Variants in CHST11 observed in about 807,000 individuals in gnomAD.
CHST11 encodes the protein carbohydrate sulfotransferase 11, also known as C4S-1.
A neutral mutation model predicts 30.4 loss-of-function variants in CHST11; 9 were observed. The ratio of observed to expected loss-of-function variants is 0.30; its 90% CI spans 0.18 to 0.52. CHST11 has a LOEUF of 0.52. CHST11 is among the 20% of genes least tolerant of loss of function. CHST11 has a pLI of 0.97. For missense variants in CHST11, 348 were observed against 460.6 expected (o/e 0.76, Z 2.24); for synonymous variants, 152 against 187.8 (o/e 0.81, Z 1.56).
chr12:104,687,776 GC>G (rs143627702), intron 2 of CHST11, among the ~76,000 whole-genome samples: 38 of 151,302 alleles, frequency 2.5e-4, no homozygotes, highest in African/African-American at 8.3e-4. Flanking sequence ...AGCGGCCCCC[GC>G]CCCCCCCAAA....
rs113469391 is a variant in CHST11, at chr12:104,484,368, A to AGT, written c.118+26839_118+26840insGT. Among the ~76,000 whole-genome samples the AGT allele has an allele frequency of 7.4e-3, 1,126 of 152,288 alleles. 14 individuals carry two copies. The highest frequency in any genetic ancestry group is 0.025 in the African/African-American group (1,042 of 41,566). On this transcript the variant is annotated intron_variant, in intron 1 of 2. Transcript: ENST00000303694. ...CCATTAAGAACCCCAGTTAACCCAG[A>AGT]ATTTCTTAAACTTACACAACCACAG...
chr12:104,461,498 G>A (rs910925572), intron 1 of CHST11, among the ~76,000 whole-genome samples: 1 of 152,232 alleles, frequency 6.6e-6, no homozygotes, highest in African/African-American at 2.4e-5. Context: ...GCAGTGCAAA[G>A]CTGAGAGGCC....
intron 2 of CHST11, among the ~76,000 whole-genome samples, chr12:104,748,295 C>T (rs2040404011): frequency 6.6e-6 from 1 of 152,138 alleles, no homozygotes; most frequent in Non-Finnish European, 1.5e-5. Context: ...AGCTGTGGTT[C>T]TCAAAGTTTG....
At chr12:104,694,408 T>C (rs2039925829) in intron 2 of CHST11, among the ~76,000 whole-genome samples, 1 of 152,202 alleles carries the variant, frequency 6.6e-6, no homozygotes, top group African/African-American at 2.4e-5. Context: ...TATCCTGCAC[T>C]GGGCGCTGCA....
intron 2 of CHST11, among the ~76,000 whole-genome samples, chr12:104,670,517 C>T (rs2039682901): frequency 6.7e-6 from 1 of 150,064 alleles, no homozygotes; most frequent in Non-Finnish European, 1.5e-5. Flanking sequence ...ACAAACACAT[C>T]CATACACACA....
intron 2 of CHST11, among the ~76,000 whole-genome samples, chr12:104,697,628 G>T (rs890956520): frequency 6.6e-6 from 1 of 152,064 alleles, no homozygotes; most frequent in Non-Finnish European, 1.5e-5. Context: ...TACTGATTCT[G>T]TTCCTCTGGA....
chr12:104,677,015 C>G (rs575410926), intron 2 of CHST11, among the ~76,000 whole-genome samples: 2 of 152,288 alleles, frequency 1.3e-5, no homozygotes, highest in East Asian at 3.9e-4. Flanking sequence ...TTTCTTCGCC[C>G]TTCTCCAACC....
intron 2 of CHST11, among the ~76,000 whole-genome samples, chr12:104,724,257 C>G (rs919332019): frequency 9.2e-5 from 14 of 151,448 alleles, no homozygotes; most frequent in African/African-American, 2.2e-4. Context: ...CTGACGGCAC[C>G]CGGAGTAGTC....
Position 104,678,778 on chromosome 12 carries a change from T to C in CHST11, c.204+76787T>C, listed in dbSNP as rs2039766230. ...ATTTTATATTTTCAGAGAGTGACAA[T>C]GAGCATTAATTGAGCATCTACTGTG... On this transcript the variant is annotated intron_variant, in intron 2 of 2. Coordinates refer to ENST00000303694, the MANE Select transcript of CHST11 (RefSeq NM_018413.6). 2.6e-5 allele frequency among the ~76,000 whole-genome samples: 4 copies of C among 152,190 alleles called. No individual in the cohort carries two copies. In the South Asian group the frequency reaches 6.2e-4, roughly 24 times the overall value.
rs547562470 is a variant in CHST11, at chr12:104,629,330, G to A, written c.204+27339G>A. On this transcript the variant is annotated intron_variant, in intron 2 of 2. Coordinates refer to ENST00000303694, the MANE Select transcript of CHST11 (RefSeq NM_018413.6). ...AGGCTACAGTCTCATGTGAAGCTTA[G>A]GGTCCTTGAAGCTCACATGGTTGTT... 5.3e-5 allele frequency among the ~76,000 whole-genome samples: 8 copies of A among 152,234 alleles called. No individual in the cohort carries two copies. In the East Asian group the frequency reaches 1.5e-3, roughly 29 times the overall value.
At chr12:104,651,973 C>T (rs1307693501) in intron 2 of CHST11, among the ~76,000 whole-genome samples, 1 of 152,206 alleles carries the variant, frequency 6.6e-6, no homozygotes, top group Non-Finnish European at 1.5e-5. Flanking sequence ...GCCACAGCCC[C>T]TGACTTCTGC....
intron 2 of CHST11, among the ~76,000 whole-genome samples, chr12:104,625,594 C>T (rs771221015): frequency 3.3e-5 from 5 of 152,178 alleles, no homozygotes; most frequent in Non-Finnish European, 5.9e-5. Context: ...CATGAGCCAC[C>T]ACGCCCAGCT....
In CHST11 at chr12:104,676,620, G is replaced by A. The variant is rs979754647; in HGVS notation, c.204+74629G>A. ...AGTAGAGATGGGGTTTCCCCATGTT[G>A]GCCAGGATGGTCTCGATCTCCTGAC... On this transcript the variant is annotated intron_variant, in intron 2 of 2. Transcript: ENST00000303694. This position sits in a 1 kb window ranked among gnomAD's most constrained non-coding sequence, Gnocchi z 4.4. Among the ~76,000 whole-genome samples, 2 of 152,144 alleles carry A rather than the reference G, an allele frequency of 1.3e-5. No individual in the cohort carries two copies. Among genetic ancestry groups the A allele is most frequent in the African/African-American group, 4.8e-5 (2 of 41,436 alleles).
chr12:104,731,605 G>A (rs774211422), intron 2 of CHST11, among the ~76,000 whole-genome samples: 4 of 152,182 alleles, frequency 2.6e-5, no homozygotes, highest in Non-Finnish European at 5.9e-5. Flanking sequence ...GTAAACCCCC[G>A]CACCCCTGAG....
intron 1 of CHST11, among the ~76,000 whole-genome samples, chr12:104,582,289 C>A (rs565249905): frequency 6.6e-6 from 1 of 152,142 alleles, no homozygotes; most frequent in South Asian, 2.1e-4. Context: ...AGTGGAGGGG[C>A]CAGGATTTGA....
At chr12:104,716,987 G>A (rs1183870187) in intron 2 of CHST11, among the ~76,000 whole-genome samples, 5 of 152,184 alleles carry the variant, frequency 3.3e-5, no homozygotes, top group African/African-American at 1.2e-4. Context: ...CATCCTCAGA[G>A]CCGGCAATGG....
chr12:104,671,000 C>T (rs2039690818), intron 2 of CHST11, among the ~76,000 whole-genome samples: 1 of 152,198 alleles, frequency 6.6e-6, no homozygotes, highest in South Asian at 2.1e-4. Context: ...GATTTCCTGC[C>T]CTGCCTTCTG....
chr12:104,553,738 C>G (rs915897630), intron 1 of CHST11, among the ~76,000 whole-genome samples: 1 of 152,288 alleles, frequency 6.6e-6, no homozygotes, highest in Middle Eastern at 3.4e-3. Flanking sequence ...CCCAGCATTG[C>G]GAATTACAAT....
intron 1 of CHST11, among the ~76,000 whole-genome samples, chr12:104,580,018 C>T (rs2038725282): frequency 6.6e-6 from 1 of 152,168 alleles, no homozygotes; most frequent in Admixed American, 6.5e-5. Context: ...TAAGATCATC[C>T]CTAAGTTACC....
Sources: allele counts gnomAD v4.1 joint callset (sites outside exome capture counted in the v4.1 genomes callset), GRCh38; gene constraint gnomAD v4.1.1; non-coding constraint Gnocchi (gnomAD v3.1); transcripts MANE v1.5; gene names NCBI Gene and HGNC (gene_info 2026-07-23, HGNC 2026-07-21).